KLF17: variants seen among roughly 807,000 people sequenced by gnomAD.
The protein encoded by KLF17 is Krueppel-like factor 17.
Under a neutral mutation model 34.2 loss-of-function variants are expected in KLF17, and 31 were observed. That is an observed-to-expected ratio of 0.91 (90% confidence interval 0.68 to 1.22). KLF17 has a LOEUF of 1.22. Among genes scored for constraint, KLF17 ranks in the 50% most tolerant of loss-of-function variants. KLF17 has a pLI of 0.00. For synonymous variants in KLF17, 179 were observed against 186.7 expected, an observed-to-expected ratio of 0.96 and a Z score of 0.34; for missense variants, 478 against 505.2, an observed-to-expected ratio of 0.95 and a Z score of 0.52.
chr1:44,103,609 T>A, the KLF17 span: 1 of 1,607,484 alleles, frequency 6.2e-7, no homozygotes, highest in Non-Finnish European at 8.5e-7. Flanking sequence ...TAGGTGGCGA[T>A]CTCGATCTCG....
At chr1:44,099,875 A>AAG in the KLF17 span, among the ~76,000 whole-genome samples, 2 of 79,854 alleles carry the variant, frequency 2.5e-5, no homozygotes, top group Non-Finnish European at 5.7e-5. Context: ...GAAAGAAAGA[A>AAG]AGAAAGAAAG....
At chr1:44,111,091 A>G in the KLF17 span, among the ~76,000 whole-genome samples, 1 of 152,120 alleles carries the variant, frequency 6.6e-6, no homozygotes, top group Admixed American at 6.5e-5. Context: ...GGCTCAATTA[A>G]TCTTCCTACT....
rs1446909205 is a variant in KLF17 at position 44,129,798 on chromosome 1, C to T, written c.527C>T (p.Pro176Leu). 1 of 1,614,190 alleles carries T rather than the reference C, an allele frequency of 6.2e-7. No individual in the cohort carries two copies. Among genetic ancestry groups the T allele is most frequent in the South Asian group, 1.1e-5 (1 of 91,076 alleles). Residue 176 changes from proline to leucine, a missense_variant, in exon 2 of 4, where the codon CCA becomes CTA. Pro to Leu is a moderately conservative substitution (Grantham distance 98). Coordinates refer to ENST00000372299, the MANE Select transcript of KLF17 (RefSeq NM_173484.4). Reference protein sequence around the residue: ...IPIMSHTGNPPVPYPGLSTVP... With the variant: ...IPIMSHTGNPLVPYPGLSTVP... Reference sequence around the variant, plus strand: ...ATAATGTCCCACACTGGGAACCCTCCAGTGCCTTACCCTGGCCTCTCGACA... The same window carrying T: ...ATAATGTCCCACACTGGGAACCCTCTAGTGCCTTACCCTGGCCTCTCGACA...
chr1:44,045,401 C>T, the KLF17 span: 1 of 152,384 alleles, frequency 6.6e-6, no homozygotes, highest in Non-Finnish European at 1.5e-5. Context: ...TCTGCTGATT[C>T]TCCTCTTCCT....
At chr1:44,108,164 T>G in the KLF17 span, among the ~76,000 whole-genome samples, 5 of 151,432 alleles carry the variant, frequency 3.3e-5, no homozygotes, top group Non-Finnish European at 1.5e-5. Flanking sequence ...TTTCCCAAGA[T>G]CTTGCTGTCT....
At chr1:44,117,338 TG>T (rs1458854879), upstream of KLF17, 1 of 152,212 alleles carries the variant, frequency 6.6e-6, no homozygotes, top group African/African-American at 2.4e-5. Context: ...TGGGCTCAAG[TG>T]GTCTCCCGCC....
At chr1:44,106,313 A>C in the KLF17 span, among the ~76,000 whole-genome samples, 9 of 152,188 alleles carry the variant, frequency 5.9e-5, no homozygotes, top group East Asian at 1.7e-3. Context: ...CCCCATCTGC[A>C]TGTGGTCTCC....
At chr1:44,044,662 A>G in the KLF17 span, 1 of 152,276 alleles carries the variant, frequency 6.6e-6, no homozygotes, top group Non-Finnish European at 1.5e-5. Flanking sequence ...GGCCTAATGA[A>G]CTGTGGACTC....
At chr1:44,130,400 G>A in intron 2 of KLF17, 112 bp from the exon 3 acceptor site, 3 of 1,468,406 alleles carry the variant, frequency 2.0e-6, no homozygotes, top group Non-Finnish European at 2.8e-6. Flanking sequence ...CCCCTCCCTG[G>A]TTCCCTGGAC....
rs1227489658 is a variant in KLF17, at chr1:44,129,682, G to GC, written c.414dup (p.Asn139GlnfsTer50). The GC allele has an allele frequency of 6.2e-7, 1 of 1,614,054 alleles. No homozygotes were observed. Among genetic ancestry groups the GC allele is most frequent in the East Asian group, 2.2e-5 (1 of 44,890 alleles). On this transcript the variant is annotated frameshift_variant, in exon 2 of 4. Transcript: ENST00000372299. LOFTEE classifies it high-confidence loss of function. ...GGCCCCAACTAATGCCCGTAGGAGAGCCCAATATTCCAAGGGTAGCCAGGC... is the reference window on the plus strand; with the variant it reads ...GGCCCCAACTAATGCCCGTAGGAGAGCCCCAATATTCCAAGGGTAGCCAGGC...
chr1:44,095,292 C>G, the KLF17 span, among the ~76,000 whole-genome samples: 1 of 148,458 alleles, frequency 6.7e-6, no homozygotes, highest in Non-Finnish European at 1.5e-5. Context: ...CTCAGCTTAT[C>G]ACAACCTCCA....
At chr1:44,118,428 T>C (rs1325897426), upstream of KLF17, among the ~76,000 whole-genome samples, 1 of 152,144 alleles carries the variant, frequency 6.6e-6, no homozygotes, top group East Asian at 1.9e-4. Context: ...CCAAAGCTTA[T>C]GGCAAGATCC....
the KLF17 span, among the ~76,000 whole-genome samples, chr1:44,094,564 T>TTTTCCCCAGCA: frequency 6.6e-6 from 1 of 152,212 alleles, no homozygotes; most frequent in Non-Finnish European, 1.5e-5. Flanking sequence ...ACTATGGCTA[T>TTTTCCCCAGCA]CCATTTTCCC....
At chr1:44,083,119 T>A in the KLF17 span, among the ~76,000 whole-genome samples, 25 of 147,008 alleles carry the variant, frequency 1.7e-4, no homozygotes, top group Admixed American at 4.1e-4. Flanking sequence ...TAAAAAAAAA[T>A]TTTTTTTTTG....
the KLF17 span, among the ~76,000 whole-genome samples, chr1:44,100,647 TTTG>T: frequency 1.3e-5 from 2 of 151,826 alleles, no homozygotes; most frequent in Admixed American, 6.6e-5. Flanking sequence ...TTTGTTTTGT[TTTG>T]TTTTGTTTTG....
At chr1:44,084,798 G>T in the KLF17 span, among the ~76,000 whole-genome samples, 2 of 151,406 alleles carry the variant, frequency 1.3e-5, no homozygotes, top group Non-Finnish European at 2.9e-5. Flanking sequence ...ATGAAGGCAG[G>T]CACGGTGGCT....
the KLF17 span, among the ~76,000 whole-genome samples, chr1:44,056,188 T>G: frequency 6.6e-6 from 1 of 152,166 alleles, no homozygotes; most frequent in African/African-American, 2.4e-5. Flanking sequence ...GGATCCCTCT[T>G]GCAATATGGA....
chr1:44,068,460 A>T, the KLF17 span, among the ~76,000 whole-genome samples: 10 of 152,226 alleles, frequency 6.6e-5, no homozygotes, highest in African/African-American at 2.4e-4. Context: ...AGGGCCCTCC[A>T]GTTACTATGT....
At chr1:44,060,523 T>G in the KLF17 span, among the ~76,000 whole-genome samples, 1 of 152,072 alleles carries the variant, frequency 6.6e-6, no homozygotes, top group African/African-American at 2.4e-5. Flanking sequence ...CCCTTGCCCC[T>G]CCAGGGGTCA....
Sources: allele counts gnomAD v4.1 joint callset (sites outside exome capture counted in the v4.1 genomes callset), GRCh38; gene constraint gnomAD v4.1.1; transcripts MANE v1.5; gene names NCBI Gene and HGNC (gene_info 2026-07-23, HGNC 2026-07-21).